Variants in CYP3A43 observed in about 807,000 individuals in gnomAD.
CYP3A43 encodes the protein cytochrome P450 3A43.
Under a neutral mutation model 58.0 loss-of-function variants are expected in CYP3A43, and 45 were observed. The ratio of observed to expected loss-of-function variants is 0.78; its 90% CI spans 0.61 to 0.99. The LOEUF is 0.99. Ranked by LOEUF, CYP3A43 falls within the 50% of genes least tolerant of loss-of-function variation. CYP3A43 has a pLI of 0.00. For missense variants in CYP3A43, 593 were observed against 591.9 expected (o/e 1.00, Z -0.02); for synonymous variants, 191 against 201.4 (o/e 0.95, Z 0.44).
At chr7:99,842,492 G>T (rs1449941725) in intron 3 of CYP3A43, among the ~76,000 whole-genome samples, 1 of 152,028 alleles carries the variant, frequency 6.6e-6, no homozygotes, top group Non-Finnish European at 1.5e-5. Context: ...ATTAACTCTT[G>T]TACAAATATC....
intron 7 of CYP3A43, chr7:99,850,176 C>T (rs1013051846): frequency 4.4e-5 from 14 of 321,136 alleles, no homozygotes; most frequent in Non-Finnish European, 7.9e-5. Flanking sequence ...AGGCTGGTCT[C>T]GAACCCCTAA....
In CYP3A43 at chr7:99,863,534, TAGG is replaced by T. The variant is rs777485617; in HGVS notation, c.1254-2_1254del. The T allele has an allele frequency of 1.9e-6, 3 of 1,593,084 alleles. No individual in the cohort carries two copies. In the Admixed American group the frequency reaches 5.5e-5, roughly 29 times the overall value. ...TAGTTTTTATGTACTACTGTGAAAG[TAGG>T]TTCAGTAAGAAGAACAAGGACAGCA... On this transcript the variant is annotated splice_acceptor_variant and coding_sequence_variant, in exon 12 of 13. Coordinates refer to ENST00000354829, the MANE Select transcript of CYP3A43 (RefSeq NM_057095.3). LOFTEE classifies it high-confidence loss of function.
intron 1 of CYP3A43, among the ~76,000 whole-genome samples, chr7:99,834,083 T>G (rs1816962602): frequency 2.0e-5 from 3 of 152,212 alleles, no homozygotes; most frequent in Non-Finnish European, 4.4e-5. Flanking sequence ...AATTAAATTT[T>G]TCACATACTC....
At chr7:99,860,107 C>T in intron 10 of CYP3A43, 117 bp downstream of exon 10, 2 of 1,277,888 alleles carry the variant, frequency 1.6e-6, no homozygotes, top group South Asian at 3.0e-5. Context: ...CTTTCATTTA[C>T]ACTATGCAGA....
At chr7:99,849,716 T>C in intron 7 of CYP3A43, 22 bp downstream of exon 7, 1 of 1,500,210 alleles carries the variant, frequency 6.7e-7, no homozygotes, top group Non-Finnish European at 8.9e-7. Context: ...TTTATGTTAT[T>C]TCTCTCTCTC....
intron 12 of CYP3A43, 127 bp from the exon 13 acceptor site, chr7:99,865,779 T>C: frequency 1.8e-6 from 1 of 555,394 alleles, no homozygotes; most frequent in South Asian, 2.7e-5. Flanking sequence ...CCAACATGTA[T>C]GGTGCTGAAA....
chr7:99,832,118 T>C (rs537927749), intron 1 of CYP3A43, among the ~76,000 whole-genome samples: 2 of 152,082 alleles, frequency 1.3e-5, no homozygotes, highest in South Asian at 4.2e-4. Flanking sequence ...ACAAGGTCAG[T>C]GTTTAGAGGG....
chr7:99,848,390 C>A, intron 6 of CYP3A43, 136 bp downstream of exon 6: 2 of 808,036 alleles, frequency 2.5e-6, no homozygotes, highest in South Asian at 1.7e-5. Context: ...TCCAATAGGC[C>A]ACCCAAGATG....
intron 3 of CYP3A43, among the ~76,000 whole-genome samples, chr7:99,840,236 A>C (rs1016199378): frequency 6.6e-6 from 1 of 152,192 alleles, no homozygotes; most frequent in Non-Finnish European, 1.5e-5. Context: ...TCTGGCTCCT[A>C]TATCAATAGA....
intron 1 of CYP3A43, among the ~76,000 whole-genome samples, chr7:99,830,401 C>T (rs1054249316): frequency 6.6e-6 from 1 of 152,042 alleles, no homozygotes; most frequent in Non-Finnish European, 1.5e-5. Flanking sequence ...GCCTGCAATC[C>T]CAGCTACTCG....
rs533865025 is a variant in CYP3A43 at position 99,864,613 on chromosome 7, A to T, written c.1416+914A>T. ...TACAAGTCTTTTCTCTATTCTAAGA[A>T]TTTCTCCTCTCTGCCCCATTTATGT... is the stretch of plus-strand genomic sequence containing the variant. On this transcript the variant is annotated intron_variant, in intron 12 of 12. Transcript: ENST00000354829. Among the ~76,000 whole-genome samples the T allele has an allele frequency of 2.0e-5, 3 of 148,640 alleles. No homozygotes were observed. In the East Asian group the frequency reaches 5.8e-4, roughly 29 times the overall value.
At chr7:99,859,609 C>T (rs977084215) in intron 9 of CYP3A43, among the ~76,000 whole-genome samples, 2 of 151,398 alleles carry the variant, frequency 1.3e-5, no homozygotes, top group Admixed American at 1.3e-4. Context: ...GAATGGCCCA[C>T]AATCGTGTAG....
Position 99,839,137 on chromosome 7 carries a change from C to T in CYP3A43, c.183C>T (p.Asp61=), listed in dbSNP as rs566953995. 1 of 1,614,056 alleles carries T rather than the reference C, an allele frequency of 6.2e-7. No individual in the cohort carries two copies. The highest frequency in any genetic ancestry group is 1.1e-5 in the South Asian group (1 of 91,070). The change falls in exon 3 of 13, where the codon GAC becomes GAT. Residue 61 remains aspartate, a synonymous_variant. Coordinates refer to ENST00000354829, the MANE Select transcript of CYP3A43 (RefSeq NM_057095.3). The part of the protein sequence containing the change: ...LFYLRGLWNF[D]RECNEKYGEM... ...TCTGCCAGGGTCTTTGGAATTTTGACAGAGAATGTAATGAAAAATACGGAG... is the reference window on the plus strand; with the variant it reads ...TCTGCCAGGGTCTTTGGAATTTTGATAGAGAATGTAATGAAAAATACGGAG...
intron 7 of CYP3A43, chr7:99,849,915 C>A: frequency 3.4e-6 from 2 of 588,770 alleles, no homozygotes; most frequent in Non-Finnish European, 6.1e-6. Context: ...TCAGAAACCA[C>A]ATACCATTTA....
At chr7:99,831,621 C>T (rs1213455259) in intron 1 of CYP3A43, among the ~76,000 whole-genome samples, 1 of 152,196 alleles carries the variant, frequency 6.6e-6, no homozygotes, top group East Asian at 1.9e-4. Flanking sequence ...CCAGAACCTG[C>T]AATTGATGGA....
At position 99,844,144 on chromosome 7, in the gene CYP3A43, CT is replaced by C. The variant is rs1308603826; in HGVS notation, c.221del (p.Leu74ArgfsTer16). ...CNEKYGEMWGLYEGQQPMLVI... is the reference protein window; with the variant it reads ...CNEKYGEMWGXYEGQQPMLVI... Reference sequence around the variant, plus strand: ...TCAGCTCTGTTTTCCCCCACACAGGCTGTATGAGGGGCAACAGCCCATGCTG... The same window carrying C: ...TCAGCTCTGTTTTCCCCCACACAGGCGTATGAGGGGCAACAGCCCATGCTG... On this transcript the variant is annotated frameshift_variant and splice_region_variant, in exon 4 of 13. Transcript: ENST00000354829. LOFTEE classifies it high-confidence loss of function. The C allele has an allele frequency of 4.3e-6, 7 of 1,612,498 alleles. No individual in the cohort carries two copies. In the African/African-American group the frequency reaches 8.0e-5, roughly 18 times the overall value.
chr7:99,834,874 A>T (rs889757845), intron 1 of CYP3A43, among the ~76,000 whole-genome samples: 1 of 152,198 alleles, frequency 6.6e-6, no homozygotes, highest in African/African-American at 2.4e-5. Flanking sequence ...ATTTTGTGGC[A>T]TTAATTCCTT....
rs138402623 is a variant in CYP3A43 at position 99,840,302 on chromosome 7, T to C, written c.218+1130T>C. Among the ~76,000 whole-genome samples, 515 of 152,322 alleles carry C rather than the reference T, an allele frequency of 3.4e-3. 1 individual carries two copies. Among genetic ancestry groups the C allele is most frequent in the African/African-American group, 0.012 (490 of 41,566 alleles). ...CACAAGTTGCTCACATGGAATTCTATACATCTGCCCTATAAACCAGCCCTG... is the reference window on the plus strand; with the variant it reads ...CACAAGTTGCTCACATGGAATTCTACACATCTGCCCTATAAACCAGCCCTG... On this transcript the variant is annotated intron_variant, in intron 3 of 12. Transcript: ENST00000354829.
At position 99,833,621 on chromosome 7, in the gene CYP3A43, C is replaced by G. The variant is rs112671251; in HGVS notation, c.72-2832C>G. On this transcript the variant is annotated intron_variant, in intron 1 of 12. Transcript: ENST00000354829. ...AGTTGGGTTTTTTTCATATACAACT[C>G]AGTTTCTGCTTACGCACTCTTTAAT... is the stretch of plus-strand genomic sequence containing the variant. Among the ~76,000 whole-genome samples the G allele has an allele frequency of 1.3e-3, 203 of 152,326 alleles. 1 individual carries two copies. The highest frequency in any genetic ancestry group is 4.5e-3 in the African/African-American group (186 of 41,576).
Sources: allele counts gnomAD v4.1 joint callset (sites outside exome capture counted in the v4.1 genomes callset), GRCh38; gene constraint gnomAD v4.1.1; transcripts MANE v1.5; gene names NCBI Gene and HGNC (gene_info 2026-07-23, HGNC 2026-07-21).